MGAT4C: variants seen among roughly 807,000 people sequenced by gnomAD.
MGAT4C encodes the protein MGAT4 family member C, also known as alpha-1,3-mannosyl-glycoprotein 4-beta-N-acetylglucosaminyltransferase C.
Under a neutral mutation model 40.1 loss-of-function variants are expected in MGAT4C, and 19 were observed. That is an observed-to-expected ratio of 0.47 (90% CI 0.33 to 0.70). The LOEUF (loss-of-function observed/expected upper bound fraction) is 0.70, where lower values mean the gene tolerates loss of function less well. Among genes scored for constraint, MGAT4C ranks in the 30% least tolerant of loss-of-function variants. The pLI is 0.02. For synonymous variants in MGAT4C, 181 were observed against 187.1 expected (o/e 0.97, Z 0.27); for missense variants, 491 against 563.2 (o/e 0.87, Z 1.30).
intron 4 of MGAT4C, among the ~76,000 whole-genome samples, chr12:86,325,174 T>C (rs1302998833): frequency 4.6e-5 from 7 of 152,102 alleles, no homozygotes; most frequent in Admixed American, 1.3e-4. Flanking sequence ...AGATATTTAT[T>C]TTTTTAGATT....
intron 2 of MGAT4C, among the ~76,000 whole-genome samples, chr12:86,650,621 G>A (rs1210850121): frequency 6.6e-6 from 1 of 151,862 alleles, no homozygotes; most frequent in East Asian, 1.9e-4. Context: ...GGGTCTAGAA[G>A]TTGAAAATAG....
chr12:86,431,514 C>T (rs577561347), intron 3 of MGAT4C, among the ~76,000 whole-genome samples: 13 of 152,252 alleles, frequency 8.5e-5, no homozygotes, highest in South Asian at 4.1e-4. Flanking sequence ...CCATTTACAA[C>T]GGTGTTATTT....
intron 2 of MGAT4C, among the ~76,000 whole-genome samples, chr12:85,995,067 G>T (rs1248478280): frequency 6.6e-6 from 1 of 152,176 alleles, no homozygotes; most frequent in African/African-American, 2.4e-5. Flanking sequence ...AGCATTTCTA[G>T]AAGACACTAT....
chr12:86,048,687 T>C (rs549970296), intron 2 of MGAT4C, among the ~76,000 whole-genome samples: 2 of 152,142 alleles, frequency 1.3e-5, no homozygotes, highest in East Asian at 1.9e-4. Flanking sequence ...GAAACATCTA[T>C]TGACAGTTTC....
intron 2 of MGAT4C, among the ~76,000 whole-genome samples, chr12:86,568,459 G>A (rs1352737228): frequency 6.6e-6 from 1 of 151,380 alleles, no homozygotes; most frequent in African/African-American, 2.4e-5. Context: ...GACACAGATT[G>A]GCTTCCTTGC....
chr12:86,466,156 C>G (rs905010522), intron 2 of MGAT4C, among the ~76,000 whole-genome samples: 8 of 151,500 alleles, frequency 5.3e-5, no homozygotes, highest in African/African-American at 1.9e-4. Flanking sequence ...TTGCAGTGAG[C>G]AGAGATAGCG....
intron 2 of MGAT4C, among the ~76,000 whole-genome samples, chr12:86,620,688 T>C (rs1016561300): frequency 6.6e-6 from 1 of 152,190 alleles, no homozygotes; most frequent in South Asian, 2.1e-4. Flanking sequence ...ATGATTTGGC[T>C]ATGTGTTCCC....
At chr12:86,733,353 G>A (rs983627513) in intron 1 of MGAT4C, among the ~76,000 whole-genome samples, 5 of 152,008 alleles carry the variant, frequency 3.3e-5, no homozygotes, top group Non-Finnish European at 7.4e-5. Flanking sequence ...ATGTATTTTT[G>A]TTGCTTAAGA....
chr12:86,771,503 C>A (rs1220551056), intron 1 of MGAT4C, among the ~76,000 whole-genome samples: 2 of 151,842 alleles, frequency 1.3e-5, no homozygotes, highest in African/African-American at 4.8e-5. Flanking sequence ...AAAAAGATAG[C>A]TGTAGAAAAA....
chr12:86,094,347 C>G (rs1043972703), intron 1 of MGAT4C, among the ~76,000 whole-genome samples: 2 of 152,072 alleles, frequency 1.3e-5, no homozygotes, highest in East Asian at 1.9e-4. Flanking sequence ...TAAATATTCT[C>G]AAATGGGTGG....
chr12:86,094,263 G>T (rs2135578102), intron 1 of MGAT4C, among the ~76,000 whole-genome samples: 1 of 152,158 alleles, frequency 6.6e-6, no homozygotes, highest in South Asian at 2.1e-4. Flanking sequence ...GCCAAAAAAA[G>T]GAACTGTAAT....
intron 2 of MGAT4C, among the ~76,000 whole-genome samples, chr12:86,706,859 C>T (rs1268214375): frequency 6.6e-6 from 1 of 152,146 alleles, no homozygotes; most frequent in East Asian, 1.9e-4. Context: ...GTGGGAGGGA[C>T]CTGGTAGGAG....
At chr12:86,412,743 GAGA>G (rs1171078295) in intron 3 of MGAT4C, among the ~76,000 whole-genome samples, 1 of 152,138 alleles carries the variant, frequency 6.6e-6, no homozygotes, top group African/African-American at 2.4e-5. Flanking sequence ...TTTGCAATTT[GAGA>G]AGAACATGAG....
intron 2 of MGAT4C, among the ~76,000 whole-genome samples, chr12:86,727,053 C>T (rs1006736914): frequency 4.6e-5 from 7 of 152,106 alleles, no homozygotes; most frequent in Admixed American, 3.3e-4. Context: ...ATGTTTTCTT[C>T]ATTCTCATCT....
At chr12:86,155,296 T>C (rs1884796126) in intron 1 of MGAT4C, among the ~76,000 whole-genome samples, 1 of 152,098 alleles carries the variant, frequency 6.6e-6, no homozygotes, top group East Asian at 1.9e-4. Flanking sequence ...CAAAGTATAA[T>C]GAATAGCCAT....
At chr12:86,267,050 A>G (rs559314886) in intron 4 of MGAT4C, among the ~76,000 whole-genome samples, 144 of 151,924 alleles carry the variant, frequency 9.5e-4, no homozygotes, top group African/African-American at 3.3e-3. Flanking sequence ...TGTCTACTCA[A>G]ATAATCTAGT....
intron 2 of MGAT4C, among the ~76,000 whole-genome samples, chr12:86,629,640 C>T (rs1962960165): frequency 6.6e-6 from 1 of 152,188 alleles, no homozygotes; most frequent in African/African-American, 2.4e-5. Context: ...GAACAACCTG[C>T]TCCTGAAGGA....
intron 4 of MGAT4C, among the ~76,000 whole-genome samples, chr12:86,315,113 T>C (rs1177635117): frequency 6.6e-6 from 1 of 151,636 alleles, no homozygotes. Context: ...CTTCAAACTA[T>C]ACTATAATGC....
intron 1 of MGAT4C, among the ~76,000 whole-genome samples, chr12:86,171,032 T>C (rs1163877061): frequency 6.6e-6 from 1 of 152,184 alleles, no homozygotes; most frequent in East Asian, 1.9e-4. Context: ...TCTTGCTGGA[T>C]ACTCTGAGAC....
Sources: gnomAD v4.1 joint callset for allele counts (sites outside exome capture counted in the v4.1 genomes callset) on GRCh38, gnomAD v4.1.1 for gene constraint, MANE v1.5 for transcripts, NCBI Gene and HGNC (gene_info 2026-07-23, HGNC 2026-07-21) for gene names.